SYT1: variants seen among roughly 807,000 people sequenced by gnomAD.
The protein encoded by SYT1 is synaptotagmin-1.
Under a neutral mutation model 44.8 loss-of-function variants are expected in SYT1, and 8 were observed. The observed-to-expected ratio is 0.18, with a 90% CI of 0.10 to 0.32. The LOEUF (loss-of-function observed/expected upper bound fraction) is 0.32. SYT1 is among the 10% of genes least tolerant of loss of function. The probability of loss-of-function intolerance (pLI) is 1.00; values close to 1 mark genes in which losing one functional copy is unlikely to be tolerated. For missense variants in SYT1, 286 were observed against 509.3 expected, an observed-to-expected ratio of 0.56 and a Z score of 4.22; for synonymous variants, 154 against 188.8, an observed-to-expected ratio of 0.82 and a Z score of 1.51.
chr12:79,151,770 T>C (rs1251576859), intron 3 of SYT1, among the ~76,000 whole-genome samples: 1 of 152,174 alleles, frequency 6.6e-6, no homozygotes, highest in Non-Finnish European at 1.5e-5. Context: ...CCCAAGTTCC[T>C]GGTTCACAGC....
intron 9 of SYT1, among the ~76,000 whole-genome samples, chr12:79,410,628 A>G (rs1263360948): frequency 6.6e-6 from 1 of 152,044 alleles, no homozygotes; most frequent in African/African-American, 2.4e-5. Flanking sequence ...TTTTCCCTAA[A>G]TGTATTTACT....
intron 1 of SYT1, among the ~76,000 whole-genome samples, chr12:78,911,431 T>C (rs1311082146): frequency 1.3e-5 from 2 of 151,830 alleles, no homozygotes; most frequent in Non-Finnish European, 2.9e-5. Context: ...GACTGAACCT[T>C]GGGGTGCGCC....
At chr12:78,930,658 C>T (rs1194640017) in intron 1 of SYT1, among the ~76,000 whole-genome samples, 1 of 150,966 alleles carries the variant, frequency 6.6e-6, no homozygotes, top group East Asian at 2.0e-4. Context: ...TTCCCAACCT[C>T]CTCCATTGGG....
intron 8 of SYT1, among the ~76,000 whole-genome samples, chr12:79,300,263 G>GGT (rs1880072087): frequency 6.6e-6 from 1 of 152,076 alleles, no homozygotes; most frequent in Non-Finnish European, 1.5e-5. Flanking sequence ...ATTTTTCTCT[G>GGT]CAAACATTTC....
At chr12:79,400,967 T>C (rs1252358343) in intron 9 of SYT1, among the ~76,000 whole-genome samples, 1 of 152,178 alleles carries the variant, frequency 6.6e-6, no homozygotes, top group Non-Finnish European at 1.5e-5. Context: ...GTACTAGCAG[T>C]TAGGGACATG....
chr12:79,206,108 C>T (rs1874108589), intron 3 of SYT1, among the ~76,000 whole-genome samples: 2 of 151,982 alleles, frequency 1.3e-5, no homozygotes, highest in African/African-American at 2.4e-5. Context: ...CTTATTTAGA[C>T]AGATTTCATT....
At chr12:79,423,886 G>A (rs1215396059) in intron 9 of SYT1, among the ~76,000 whole-genome samples, 2 of 151,638 alleles carry the variant, frequency 1.3e-5, no homozygotes, top group African/African-American at 4.8e-5. Flanking sequence ...CTCTGGGTTA[G>A]CATTAGAAGG....
chr12:79,003,596 A>C (rs2137539615), intron 2 of SYT1, among the ~76,000 whole-genome samples: 1 of 152,114 alleles, frequency 6.6e-6, no homozygotes. Flanking sequence ...AGTATGCATC[A>C]TTGATTGGTT....
intron 3 of SYT1, among the ~76,000 whole-genome samples, chr12:79,063,040 G>A (rs1875503286): frequency 6.6e-6 from 1 of 152,036 alleles, no homozygotes; most frequent in Non-Finnish European, 1.5e-5. Context: ...ATATCATTTG[G>A]GTTTGCAGAG....
At chr12:78,888,074 A>G (rs926189483) in intron 1 of SYT1, among the ~76,000 whole-genome samples, 2 of 151,944 alleles carry the variant, frequency 1.3e-5, no homozygotes, top group Non-Finnish European at 2.9e-5. Context: ...AAGATGTGTC[A>G]TTGGTAATAG....
intron 1 of SYT1, among the ~76,000 whole-genome samples, chr12:78,972,634 A>T (rs1036189501): frequency 1.5e-4 from 23 of 151,866 alleles, no homozygotes; most frequent in Admixed American, 1.2e-3. Context: ...TTTATGTCAC[A>T]TATGTTCATT....
At chr12:79,104,365 T>A (rs1184320236) in intron 3 of SYT1, among the ~76,000 whole-genome samples, 1 of 152,026 alleles carries the variant, frequency 6.6e-6, no homozygotes, top group East Asian at 1.9e-4. Flanking sequence ...GAGGGATTTT[T>A]AAAAACACAG....
rs551627692 is a variant in SYT1, at chr12:78,973,860, A to C, written c.-216-3939A>C. ...TAGCAAAAACCAAACTGAAAAAAAA[A>C]TTAACTCTTGTAGATTTTCAAAGCA... is the stretch of plus-strand genomic sequence containing the variant. On this transcript the variant is annotated intron_variant, in intron 1 of 10. Transcript: ENST00000261205. Among the ~76,000 whole-genome samples, 5 of 146,056 alleles carry C rather than the reference A, an allele frequency of 3.4e-5. No homozygotes were observed. The East Asian group carries it at 1.0e-3, about 30-fold the overall frequency.
At chr12:79,333,174 A>C (rs2139019203) in intron 8 of SYT1, among the ~76,000 whole-genome samples, 1 of 152,292 alleles carries the variant, frequency 6.6e-6, no homozygotes, top group Middle Eastern at 3.4e-3. Context: ...TAAACAACAA[A>C]AATTTATTTC....
At chr12:79,293,625 A>G (rs1479104674) in intron 6 of SYT1, among the ~76,000 whole-genome samples, 5 of 152,142 alleles carry the variant, frequency 3.3e-5, no homozygotes, top group Admixed American at 2.0e-4. Flanking sequence ...ACTAACATCC[A>G]AAGTCAGTAA....
intron 1 of SYT1, among the ~76,000 whole-genome samples, chr12:78,872,223 A>G (rs1274406140): frequency 6.6e-6 from 1 of 151,878 alleles, no homozygotes; most frequent in African/African-American, 2.4e-5. Flanking sequence ...GTTTTGTAAA[A>G]AAGTACTTGA....
chr12:78,992,244 C>A (rs2137489064), intron 2 of SYT1, among the ~76,000 whole-genome samples: 1 of 152,310 alleles, frequency 6.6e-6, no homozygotes, highest in East Asian at 1.9e-4. Flanking sequence ...CTAAGCTCTC[C>A]AACGTATTGT....
chr12:79,286,085 G>T, intron 5 of SYT1, 114 bp downstream of exon 5: 3 of 1,187,074 alleles, frequency 2.5e-6, no homozygotes, highest in Non-Finnish European at 3.4e-6. Context: ...TATCGTTTTT[G>T]AGATGCTTTG....
intron 2 of SYT1, among the ~76,000 whole-genome samples, chr12:78,991,997 C>T (rs1192801674): frequency 6.6e-6 from 1 of 152,122 alleles, no homozygotes; most frequent in Non-Finnish European, 1.5e-5. Flanking sequence ...AAGTTAAGGT[C>T]CAGGCTCCTC....
Sources: allele counts gnomAD v4.1 joint callset (sites outside exome capture counted in the v4.1 genomes callset), GRCh38; gene constraint gnomAD v4.1.1; transcripts MANE v1.5; gene names NCBI Gene and HGNC (gene_info 2026-07-23, HGNC 2026-07-21).